ZC3H12B: variants seen among roughly 807,000 people sequenced by gnomAD.
ZC3H12B encodes zinc finger CCCH-type containing 12B, also known as probable ribonuclease ZC3H12B.
ZC3H12B carries 7 observed loss-of-function variants against 43.9 expected under a neutral mutation model. The observed-to-expected ratio is 0.16, with a 90% CI of 0.09 to 0.30. The LOEUF (loss-of-function observed/expected upper bound fraction) is 0.30. ZC3H12B is among the 10% of genes least tolerant of loss of function. The probability of loss-of-function intolerance (pLI) is 1.00; values close to 1 mark genes in which losing one functional copy is unlikely to be tolerated. For synonymous variants in ZC3H12B, 222 were observed against 241.7 expected (o/e 0.92, Z 0.76); for missense variants, 475 against 670.2 (o/e 0.71, Z 3.22).
chrX:65,037,815 T>A, the ZC3H12B span, among the ~76,000 whole-genome samples: 1 of 111,377 alleles, frequency 9.0e-6, no homozygotes, highest in African/African-American at 3.3e-5. Context: ...AACTTAGTTT[T>A]TAGTACTACA....
chrX:65,330,844 G>A, the ZC3H12B span: 3 of 197,554 alleles, frequency 1.5e-5, no homozygotes, highest in Non-Finnish European at 2.0e-5. Context: ...TTCCAAAAAT[G>A]CTGCAGAATC....
the ZC3H12B span, among the ~76,000 whole-genome samples, chrX:65,290,465 A>G: frequency 3.2e-4 from 36 of 111,370 alleles, no homozygotes; most frequent in African/African-American, 1.1e-3. Context: ...AAAAAAACCT[A>G]TATGTAGAAT....
At chrX:65,241,141 C>G in the ZC3H12B span, among the ~76,000 whole-genome samples, 5 of 112,235 alleles carry the variant, frequency 4.5e-5, no homozygotes, top group Non-Finnish European at 9.4e-5. Flanking sequence ...CCAGAGCCAG[C>G]AGTCTGGAAA....
At chrX:65,412,207 A>C (rs2148068884) in intron 3 of ZC3H12B, among the ~76,000 whole-genome samples, 1 of 111,600 alleles carries the variant, frequency 9.0e-6, no homozygotes, top group South Asian at 3.7e-4. Context: ...GTATTTATCT[A>C]TTCTGAATGT....
At chrX:65,283,413 C>T in the ZC3H12B span, among the ~76,000 whole-genome samples, 2 of 111,823 alleles carry the variant, frequency 1.8e-5, no homozygotes, top group African/African-American at 6.5e-5. Flanking sequence ...AAAACTGGCA[C>T]AAGACAGGGA....
chrX:65,108,987 A>G, the ZC3H12B span, among the ~76,000 whole-genome samples: 1 of 111,418 alleles, frequency 9.0e-6, no homozygotes, highest in African/African-American at 3.3e-5. Context: ...ACATATCTCC[A>G]AGGTTTTCTG....
At chrX:65,252,716 C>T in the ZC3H12B span, among the ~76,000 whole-genome samples, 1 of 111,662 alleles carries the variant, frequency 9.0e-6, no homozygotes, top group Admixed American at 9.5e-5. Context: ...TAATACAGAT[C>T]TTTTTGGTCG....
the ZC3H12B span, among the ~76,000 whole-genome samples, chrX:65,170,753 A>C: frequency 9.0e-6 from 1 of 111,101 alleles, no homozygotes; most frequent in Admixed American, 9.6e-5. Context: ...CTTTTTCTCT[A>C]AACTTCTCTT....
chrX:65,329,432 G>T, the ZC3H12B span, among the ~76,000 whole-genome samples: 1 of 104,932 alleles, frequency 9.5e-6, no homozygotes, highest in South Asian at 3.8e-4. Flanking sequence ...TGAGTTCATT[G>T]TAGATTCTGG....
the ZC3H12B span, among the ~76,000 whole-genome samples, chrX:65,188,564 T>G: frequency 1.8e-5 from 2 of 110,878 alleles, no homozygotes; most frequent in Admixed American, 9.7e-5. Context: ...TCTTTGATGA[T>G]CAATGATATT....
At chrX:65,243,327 A>G in the ZC3H12B span, among the ~76,000 whole-genome samples, 1 of 112,656 alleles carries the variant, frequency 8.9e-6, no homozygotes, top group African/African-American at 3.2e-5. Context: ...ACATTTGTCA[A>G]AAGAAGACAT....
the ZC3H12B span, among the ~76,000 whole-genome samples, chrX:65,347,838 A>G: frequency 8.9e-6 from 1 of 112,510 alleles, no homozygotes; most frequent in Non-Finnish European, 1.9e-5. Flanking sequence ...AACCAAGCCA[A>G]ATGTCCATCA....
At chrX:65,207,244 G>GTA in the ZC3H12B span, among the ~76,000 whole-genome samples, 18 of 101,700 alleles carry the variant, frequency 1.8e-4, no homozygotes, top group African/African-American at 3.9e-4. Flanking sequence ...GTGTGTGTGT[G>GTA]TATATATACA....
chrX:65,307,960 G>A, the ZC3H12B span, among the ~76,000 whole-genome samples: 3 of 111,205 alleles, frequency 2.7e-5, no homozygotes, highest in East Asian at 8.5e-4. Context: ...AAGCAAAACT[G>A]GCATGTTAAG....
the ZC3H12B span, among the ~76,000 whole-genome samples, chrX:65,335,540 C>G: frequency 9.0e-6 from 1 of 111,355 alleles, no homozygotes; most frequent in African/African-American, 3.3e-5. Flanking sequence ...TCAAAGGTAG[C>G]TCAGAGAAGG....
chrX:65,232,137 A>C, the ZC3H12B span, among the ~76,000 whole-genome samples: 1 of 110,630 alleles, frequency 9.0e-6, no homozygotes, highest in Non-Finnish European at 1.9e-5. Context: ...GCTACTTGGG[A>C]GGCTGAGGCA....
chrX:65,431,431 C>T (rs952292439), intron 3 of ZC3H12B, among the ~76,000 whole-genome samples: 8 of 112,255 alleles, frequency 7.1e-5, no homozygotes, highest in Non-Finnish European at 1.1e-4. Flanking sequence ...CAGTGGTGGC[C>T]TTAGCCAAGT....
intron 3 of ZC3H12B, among the ~76,000 whole-genome samples, chrX:65,461,433 C>G (rs1399607536): frequency 8.9e-6 from 1 of 112,152 alleles, no homozygotes; most frequent in African/African-American, 3.2e-5. Flanking sequence ...TTCAGAATAG[C>G]AAAGACTTGG....
chrX:65,222,515 G>A, the ZC3H12B span, among the ~76,000 whole-genome samples: 15 of 108,785 alleles, frequency 1.4e-4, no homozygotes, highest in East Asian at 4.3e-3. Flanking sequence ...CAAAATTAAT[G>A]TACACAAATC....
Sources: allele counts gnomAD v4.1 joint callset (sites outside exome capture counted in the v4.1 genomes callset), GRCh38; gene constraint gnomAD v4.1.1; transcripts MANE v1.5; gene names NCBI Gene and HGNC (gene_info 2026-07-23, HGNC 2026-07-21).